Variants in SEC23A observed in about 807,000 individuals in gnomAD.
SEC23A encodes SEC23 homolog A, COPII component.
A neutral mutation model predicts 103.7 loss-of-function variants in SEC23A; 56 were observed. The ratio of observed to expected loss-of-function variants is 0.54; its 90% CI spans 0.44 to 0.67. The LOEUF is 0.67. Among genes scored for constraint, SEC23A ranks in the 30% least tolerant of loss-of-function variants. The probability of loss-of-function intolerance (pLI) is 0.00; values close to 1 mark genes in which losing one functional copy is unlikely to be tolerated. For synonymous variants in SEC23A, 281 were observed against 293.0 expected, an observed-to-expected ratio of 0.96 and a Z score of 0.42; for missense variants, 784 against 936.4, an observed-to-expected ratio of 0.84 and a Z score of 2.12.
At chr14:39,057,079 T>C (rs1886275686) in intron 13 of SEC23A, among the ~76,000 whole-genome samples, 1 of 152,170 alleles carries the variant, frequency 6.6e-6, no homozygotes, top group Middle Eastern at 3.4e-3. Context: ...TTTGGGAGGC[T>C]GAGGCAGGCA....
chr14:39,063,410 T>A lies in SEC23A; in HGVS notation c.1312A>T (p.Ile438Leu), dbSNP rs1302639547. ...SKGPCVSENE[I>L]GTGGTCQWKI... ...CACTGACATGTGCCACCTGTTCCTA[T>A]CTCCTGTAAAAATAAAATATAGCAT... The change falls in exon 12 of 20, where the codon ATA becomes TTA. Residue 438 changes from isoleucine (I) to leucine (L), a missense_variant. Physicochemically the swap from Ile to Leu is conservative, Grantham distance 5 (BLOSUM62 2). Transcript: ENST00000307712. The A allele has an allele frequency of 6.3e-7, 1 of 1,593,140 alleles. No individual in the cohort carries two copies. The highest frequency in any genetic ancestry group is 1.1e-5 in the South Asian group (1 of 90,460).
chr14:39,093,308 A>G, intron 2 of SEC23A, 64 bp from the exon 3 acceptor site: 2 of 1,291,472 alleles, frequency 1.5e-6, no homozygotes, highest in Non-Finnish European at 2.2e-6. Context: ...CAAAAATCCT[A>G]ATTTCAATAA....
chr14:39,082,134 G>A (rs999532076), intron 7 of SEC23A, among the ~76,000 whole-genome samples: 4 of 151,966 alleles, frequency 2.6e-5, no homozygotes, highest in Admixed American at 2.0e-4. Flanking sequence ...AGCCAAATCG[G>A]GGAAAACTTA....
At chr14:39,094,393 CACACATATATAT>C (rs1482085139) in intron 2 of SEC23A, among the ~76,000 whole-genome samples, 435 of 23,940 alleles carry the variant, frequency 0.018, 84 homozygotes, top group East Asian at 0.038. Context: ...CACACACACA[CACACATATATAT>C]ATATATATAT....
intron 14 of SEC23A, among the ~76,000 whole-genome samples, chr14:39,054,322 T>G (rs895653189): frequency 6.6e-6 from 1 of 151,764 alleles, no homozygotes; most frequent in Non-Finnish European, 1.5e-5. Context: ...TGTGTCATAA[T>G]GTAAGTACAG....
Position 39,039,260 on chromosome 14 carries a change from T to C in SEC23A, c.2143-164A>G, listed in dbSNP as rs1335112891. 4 of 610,350 alleles carry C rather than the reference T, an allele frequency of 6.6e-6. No homozygotes were observed. In the East Asian group the frequency reaches 1.1e-4, roughly 17 times the overall value. 37.8% of individuals were successfully genotyped at this position (610,350 alleles called of 1,614,324 possible). A position where few individuals can be genotyped will look rare whatever the true frequency, so the allele number is the denominator to read the frequency against. ...TTAAACTTTGAAATGTATAGGTCACTAAGTGTTACAAATAAATAATAAATG... is the reference window on the plus strand; with the variant it reads ...TTAAACTTTGAAATGTATAGGTCACCAAGTGTTACAAATAAATAATAAATG... On this transcript the variant is annotated intron_variant, in intron 18 of 19. Transcript: ENST00000307712.
intron 16 of SEC23A, among the ~76,000 whole-genome samples, chr14:39,044,779 A>G (rs144563578): frequency 6.6e-6 from 1 of 152,250 alleles, no homozygotes; most frequent in Non-Finnish European, 1.5e-5. Flanking sequence ...ACAGAATGTC[A>G]TAACTGTCAC....
At chr14:39,079,417 A>C (rs936365147) in intron 7 of SEC23A, among the ~76,000 whole-genome samples, 3 of 152,244 alleles carry the variant, frequency 2.0e-5, no homozygotes, top group Admixed American at 2.0e-4. Flanking sequence ...AGGCTATTTT[A>C]TCTCTAATTT....
rs1465016859 is a variant in SEC23A at position 39,033,342 on chromosome 14, G to T, written c.2209-14C>A. On this transcript the variant is annotated splice_polypyrimidine_tract_variant and intron_variant, in intron 19 of 19. Coordinates refer to ENST00000307712, the MANE Select transcript of SEC23A (RefSeq NM_006364.4). ...TGCTCCAGACTCCTAGAGGAAAAAA[G>T]ATATTTGTTATGATTAAAGCATAGG... 1 of 1,466,952 alleles carries T rather than the reference G, an allele frequency of 6.8e-7. No individual in the cohort carries two copies. The highest frequency in any genetic ancestry group is 1.1e-5 in the South Asian group (1 of 87,694). The allele number at this position is 1,466,952 out of a possible 1,614,324, so 90.9% of individuals were successfully genotyped here.
At chr14:39,092,494 A>C in intron 4 of SEC23A, 47 bp downstream of exon 4, 4 of 1,027,032 alleles carry the variant, frequency 3.9e-6, no homozygotes, top group East Asian at 2.5e-5. Context: ...CAATTCTTTC[A>C]GTATAAATTT....
Position 39,065,301 on chromosome 14 carries a change from G to A in SEC23A, c.1228-308C>T, listed in dbSNP as rs968177748. 3.3e-5 allele frequency among the ~76,000 whole-genome samples: 5 copies of A among 151,602 alleles called. No homozygotes were observed. The East Asian group carries it at 9.7e-4, about 29-fold the overall frequency. ...TCACATATCCTAATCTAAAACCTTA[G>A]ACACCCTATTCTATTTTTCCTCCCA... is the stretch of plus-strand genomic sequence containing the variant. On this transcript the variant is annotated intron_variant, in intron 10 of 19. Transcript: ENST00000307712.
At position 39,068,150 on chromosome 14, in the gene SEC23A, T is replaced by A. The variant is rs190101267; in HGVS notation, c.1104-854A>T. On this transcript the variant is annotated intron_variant, in intron 9 of 19. Transcript: ENST00000307712. ...ATACCTACTTTTTTAATTAAAAAAA[T>A]TTTAATATTAACTTGAAAGTTAAAA... Among the ~76,000 whole-genome samples, 53 of 152,294 alleles carry A rather than the reference T, an allele frequency of 3.5e-4. 1 individual carries two copies. The East Asian group carries it at 8.9e-3, about 25-fold the overall frequency.
chr14:39,053,970 A>G (rs1204504525), intron 14 of SEC23A, among the ~76,000 whole-genome samples: 1 of 152,142 alleles, frequency 6.6e-6, no homozygotes, highest in Non-Finnish European at 1.5e-5. Flanking sequence ...CAGTCTCAAC[A>G]AAATTTTTTT....
At chr14:39,101,045 C>G (rs960743316) in intron 1 of SEC23A, among the ~76,000 whole-genome samples, 1 of 149,766 alleles carries the variant, frequency 6.7e-6, no homozygotes, top group Non-Finnish European at 1.5e-5. Flanking sequence ...GGTTTCACCA[C>G]GTTGGCCAGG....
intron 1 of SEC23A, 74 bp from the exon 2 acceptor site, chr14:39,096,213 T>A: frequency 1.0e-6 from 1 of 965,378 alleles, no homozygotes; most frequent in Middle Eastern, 2.9e-4. Flanking sequence ...TGTTCTCCCC[T>A]CATTCAGCAA....
chr14:39,085,805 C>A lies in SEC23A; in HGVS notation c.785G>T (p.Arg262Leu). ...TATGGAAAGTGCCACCCCAGAGGAACGCAAAGGTCTCTTTCCCTGTGGTAC... is the reference window on the plus strand; with the variant it reads ...TATGGAAAGTGCCACCCCAGAGGAAAGCAAAGGTCTCTTTCCCTGTGGTAC... ...WPVPQGKRPL[R>L]SSGVALSIAV... The change falls in exon 7 of 20, where the codon CGT becomes CTT. Residue 262 changes from arginine to leucine, a missense_variant. Around this residue, in one of 2 missense-constraint regions of SEC23A, gnomAD observed 683 missense variants for 774.2 expected, o/e 0.88. Transcript: ENST00000307712. 1 of 1,613,896 alleles carries A rather than the reference C, an allele frequency of 6.2e-7. No homozygotes were observed. The highest frequency in any genetic ancestry group is 8.5e-7 in the Non-Finnish European group (1 of 1,179,984).
intron 11 of SEC23A, 43 bp downstream of exon 11, chr14:39,064,863 AGCCACAG>A: frequency 7.5e-7 from 1 of 1,331,566 alleles, no homozygotes; most frequent in South Asian, 1.2e-5. Flanking sequence ...TACAGGTGCA[AGCCACAG>A]TTCCTGGTCC....
Position 39,066,019 on chromosome 14 carries a change from A to C in SEC23A, c.1228-1026T>G, listed in dbSNP as rs569926059. On this transcript the variant is annotated intron_variant, in intron 10 of 19. Coordinates refer to ENST00000307712, the MANE Select transcript of SEC23A (RefSeq NM_006364.4). ...TCTCAAAAAAAAAAAAAAAAAAAAAAAAAAAAAAAAAAAACTATAAGTCAC... is the reference window on the plus strand; with the variant it reads ...TCTCAAAAAAAAAAAAAAAAAAAAACAAAAAAAAAAAAAACTATAAGTCAC... 2.8e-3 allele frequency among the ~76,000 whole-genome samples: 377 copies of C among 133,280 alleles called. 14 individuals are homozygous for C. The East Asian group carries it at 0.059, about 21-fold the overall frequency. The allele number at this position is 133,280 out of a possible 152,430, so 87.4% of individuals were successfully genotyped here. A position where few individuals can be genotyped will look rare whatever the true frequency, so the allele number is the denominator to read the frequency against.
At position 39,032,613 on chromosome 14, in the gene SEC23A, G is replaced by A. The variant is rs540371349; in HGVS notation, c.*626C>T. On this transcript the variant is annotated 3_prime_UTR_variant, in exon 20 of 20. Transcript: ENST00000307712. ...AAATTTCACATTTTTTGTCAGCTGC[G>A]GGATTGTTACCCAAAAAAACCTTTC... The A allele has an allele frequency of 2.0e-4, 30 of 152,480 alleles. 1 individual carries two copies. The highest frequency in any genetic ancestry group is 1.8e-3 in the Admixed American group (27 of 15,266). 9.4% of individuals were successfully genotyped at this position (152,480 alleles called of 1,614,324 possible).
Sources: gnomAD v4.1 joint callset for allele counts (sites outside exome capture counted in the v4.1 genomes callset) on GRCh38, gnomAD v4.1.1 for gene constraint, gnomAD v4.1.1 regional missense constraint, MANE v1.5 for transcripts, NCBI Gene and HGNC (gene_info 2026-07-23, HGNC 2026-07-21) for gene names.